The following ZNF469 variants were observed in gnomAD, a reference collection of about 807,000 sequenced individuals.
The protein encoded by ZNF469 is zinc finger protein 469.
A neutral mutation model predicts 1.0 loss-of-function variants in ZNF469; 1 was observed. The ratio of observed to expected loss-of-function variants is 1.00; its 90% CI spans 0.35 to 4.73. The LOEUF is 4.73. Among genes scored for constraint, ZNF469 ranks in the 30% most tolerant of loss-of-function variants. ZNF469 has a pLI of 0.16. For missense variants in ZNF469, 6,100 were observed against 5,356.3 expected, an observed-to-expected ratio of 1.14 and a Z score of -4.33; for synonymous variants, 2,703 against 2,363.4, an observed-to-expected ratio of 1.14 and a Z score of -4.17.
At chr16:88,188,467 C>T in the ZNF469 span, among the ~76,000 whole-genome samples, 10 of 152,342 alleles carry the variant, frequency 6.6e-5, no homozygotes, top group East Asian at 1.9e-3. Flanking sequence ...TTAATGACAT[C>T]TTACAGCATG....
At chr16:88,388,388 T>A (rs1264323403) in intron 1 of ZNF469, among the ~76,000 whole-genome samples, 1 of 152,222 alleles carries the variant, frequency 6.6e-6, no homozygotes, top group Non-Finnish European at 1.5e-5. Flanking sequence ...GAGCAGCCAT[T>A]GAGGCTTTCC....
At chr16:88,349,656 C>T in the ZNF469 span, among the ~76,000 whole-genome samples, 1 of 125,568 alleles carries the variant, frequency 8.0e-6, no homozygotes, top group South Asian at 2.8e-4. Flanking sequence ...ACAGCAGGCA[C>T]AATACACACT....
At chr16:88,124,141 T>A in the ZNF469 span, among the ~76,000 whole-genome samples, 5 of 152,050 alleles carry the variant, frequency 3.3e-5, no homozygotes, top group Non-Finnish European at 7.4e-5. Flanking sequence ...GTGTTGAGTT[T>A]CAAAAGCTTT....
the ZNF469 span, among the ~76,000 whole-genome samples, chr16:88,109,162 G>A: frequency 6.6e-6 from 1 of 152,208 alleles, no homozygotes; most frequent in Admixed American, 6.5e-5. Flanking sequence ...CTTCTCCTGG[G>A]AGCAGCTGCA....
chr16:88,265,303 G>C, the ZNF469 span, among the ~76,000 whole-genome samples: 4 of 152,230 alleles, frequency 2.6e-5, no homozygotes, highest in African/African-American at 9.6e-5. Context: ...GTGGAGGCAG[G>C]AGGCCAGGGG....
the ZNF469 span, among the ~76,000 whole-genome samples, chr16:88,140,713 T>C: frequency 2.8e-3 from 424 of 152,204 alleles, 4 homozygotes; most frequent in African/African-American, 0.01. Context: ...GGGTGGATCA[T>C]TTGAGGTCAG....
At chr16:88,402,209 A>C (rs1272944797) in intron 1 of ZNF469, among the ~76,000 whole-genome samples, 1 of 150,984 alleles carries the variant, frequency 6.6e-6, no homozygotes. Flanking sequence ...AGGGGGAATG[A>C]GTGGGTGGCA....
chr16:88,168,166 CT>C, the ZNF469 span, among the ~76,000 whole-genome samples: 1 of 152,232 alleles, frequency 6.6e-6, no homozygotes, highest in Non-Finnish European at 1.5e-5. The surrounding 1 kb of genome is among the most constrained non-coding windows in gnomAD (Gnocchi z 4.3). Flanking sequence ...CTCTTACCAT[CT>C]CTCTAGTTTT....
chr16:88,415,403 C>T (rs1181097083), intron 1 of ZNF469, among the ~76,000 whole-genome samples: 1 of 152,218 alleles, frequency 6.6e-6, no homozygotes, highest in Admixed American at 6.5e-5. Context: ...CAGACTCCAC[C>T]CCTGGCTGAA....
At chr16:88,243,602 C>T in the ZNF469 span, among the ~76,000 whole-genome samples, 238 of 152,112 alleles carry the variant, frequency 1.6e-3, no homozygotes, top group African/African-American at 5.0e-3. Flanking sequence ...CCTGCATGTA[C>T]GTTAGCAGGT....
chr16:88,386,338 A>G (rs1008977184), intron 1 of ZNF469, among the ~76,000 whole-genome samples: 3 of 151,894 alleles, frequency 2.0e-5, no homozygotes, highest in African/African-American at 7.3e-5. Flanking sequence ...TCATCTCAGG[A>G]TGTGTGTTCT....
chr16:88,169,145 A>T, the ZNF469 span, among the ~76,000 whole-genome samples: 1 of 152,120 alleles, frequency 6.6e-6, no homozygotes, highest in African/African-American at 2.4e-5. This position sits in a 1 kb window ranked among gnomAD's most constrained non-coding sequence, Gnocchi z 6.1. Context: ...GGGGTTGAGG[A>T]CAGGGCCCAG....
At chr16:88,359,784 T>C in the ZNF469 span, among the ~76,000 whole-genome samples, 7 of 152,234 alleles carry the variant, frequency 4.6e-5, no homozygotes, top group African/African-American at 1.7e-4. Flanking sequence ...ATCAAATATC[T>C]AGAAAGCTCG....
At chr16:88,174,708 T>G in the ZNF469 span, among the ~76,000 whole-genome samples, 1 of 149,062 alleles carries the variant, frequency 6.7e-6, no homozygotes, top group Non-Finnish European at 1.5e-5. Flanking sequence ...ACTTTACCAA[T>G]AGTAAATATG....
the ZNF469 span, among the ~76,000 whole-genome samples, chr16:88,134,234 C>T: frequency 2.3e-4 from 35 of 152,318 alleles, no homozygotes; most frequent in African/African-American, 8.4e-4. Context: ...ACTTTTTCTA[C>T]CCGGTGGTAT....
intron 1 of ZNF469, among the ~76,000 whole-genome samples, chr16:88,410,433 C>T (rs982540666): frequency 6.7e-6 from 1 of 148,822 alleles, no homozygotes; most frequent in Non-Finnish European, 1.5e-5. Flanking sequence ...TGGAGAAGTT[C>T]ACGGTGCAGG....
chr16:88,229,359 C>G, the ZNF469 span, among the ~76,000 whole-genome samples: 1 of 152,226 alleles, frequency 6.6e-6, no homozygotes, highest in African/African-American at 2.4e-5. Flanking sequence ...CGGGAACCCT[C>G]CTGCTTCTCG....
chr16:88,135,757 T>C, the ZNF469 span, among the ~76,000 whole-genome samples: 3,289 of 127,854 alleles, frequency 0.026, 621 homozygotes, highest in African/African-American at 0.097. Flanking sequence ...TGTTTTTTTT[T>C]TTTTTTTTTT....
the ZNF469 span, among the ~76,000 whole-genome samples, chr16:88,125,734 A>G: frequency 2.5e-3 from 388 of 152,288 alleles, 11 homozygotes; most frequent in East Asian, 0.062. Context: ...ATCCCTAAGA[A>G]TTTTATGATT....
Sources: gnomAD v4.1 joint callset for allele counts (sites outside exome capture counted in the v4.1 genomes callset) on GRCh38, gnomAD v4.1.1 for gene constraint, Gnocchi (gnomAD v3.1) non-coding constraint, MANE v1.5 for transcripts, NCBI Gene and HGNC (gene_info 2026-07-23, HGNC 2026-07-21) for gene names.